The following SH3GL2 variants were observed in gnomAD, a reference collection of about 807,000 sequenced individuals.
SH3GL2 encodes endophilin-A1.
Under a neutral mutation model 46.0 loss-of-function variants are expected in SH3GL2, and 24 were observed. The ratio of observed to expected loss-of-function variants is 0.52; its 90% CI spans 0.38 to 0.73. The LOEUF (loss-of-function observed/expected upper bound fraction) is 0.73. Ranked by LOEUF, SH3GL2 falls within the 30% of genes least tolerant of loss-of-function variation. The probability of loss-of-function intolerance (pLI) is 0.00; values close to 1 mark genes in which losing one functional copy is unlikely to be tolerated. For missense variants in SH3GL2, 413 were observed against 424.2 expected (o/e 0.97, Z 0.23); for synonymous variants, 196 against 147.1 (o/e 1.33, Z -2.40).
At chr9:17,630,323 T>C (rs1819390849) in intron 1 of SH3GL2, 1 of 152,218 alleles carries the variant, frequency 6.6e-6, no homozygotes, top group South Asian at 2.1e-4. Flanking sequence ...ATTCACAAAT[T>C]GCTAACATAC....
intron 2 of SH3GL2, among the ~76,000 whole-genome samples, chr9:17,755,373 C>T (rs1406444916): frequency 6.6e-6 from 1 of 152,216 alleles, no homozygotes; most frequent in African/African-American, 2.4e-5. Flanking sequence ...TGACATGCCT[C>T]TGGATTTGGT....
At chr9:17,579,963 A>C (rs958358396) in intron 1 of SH3GL2, among the ~76,000 whole-genome samples, 1 of 152,258 alleles carries the variant, frequency 6.6e-6, no homozygotes, top group Non-Finnish European at 1.5e-5. Flanking sequence ...AAATTGTTGA[A>C]GACTTAAAAT....
chr9:17,762,360 C>G (rs140912351), intron 3 of SH3GL2, among the ~76,000 whole-genome samples: 2 of 151,072 alleles, frequency 1.3e-5, no homozygotes, highest in African/African-American at 4.9e-5. Context: ...TGCTTCAGCC[C>G]CAATGAGTTT....
At position 17,631,598 on chromosome 9, in the gene SH3GL2, T is replaced by C. The variant is rs193052038; in HGVS notation, c.45+52311T>C. On this transcript the variant is annotated intron_variant, in intron 1 of 8. Transcript: ENST00000380607. ...GGATGTTCACATCAGCTGGGCTGTATGACAATGTTGGTGAGTCAGTGCTTT... is the reference window on the plus strand; with the variant it reads ...GGATGTTCACATCAGCTGGGCTGTACGACAATGTTGGTGAGTCAGTGCTTT... Among the ~76,000 whole-genome samples the C allele has an allele frequency of 3.4e-3, 513 of 152,316 alleles. 2 individuals are homozygous for C. The highest frequency in any genetic ancestry group is 0.012 in the African/African-American group (486 of 41,580).
At chr9:17,633,738 A>G (rs535201782) in intron 1 of SH3GL2, among the ~76,000 whole-genome samples, 3 of 152,326 alleles carry the variant, frequency 2.0e-5, no homozygotes, top group South Asian at 4.1e-4. Context: ...GCAGGCTTTC[A>G]TCTGTGTATC....
intron 1 of SH3GL2, among the ~76,000 whole-genome samples, chr9:17,623,311 G>C (rs982189067): frequency 3.3e-5 from 5 of 152,102 alleles, no homozygotes; most frequent in African/African-American, 1.2e-4. Flanking sequence ...CTTGTGGGAA[G>C]CTAGCTGGCG....
At position 17,791,244 on chromosome 9, in the gene SH3GL2, G is replaced by A; in HGVS notation, c.638G>A (p.Ser213Asn). Residue 213 changes from serine to asparagine, a missense_variant, in exon 7 of 9, where the codon AGC (serine) becomes AAC (asparagine). Around this residue, in one of 3 missense-constraint regions of SH3GL2, gnomAD observed 248 missense variants for 215.0 expected, o/e 1.15. Coordinates refer to ENST00000380607, the MANE Select transcript of SH3GL2 (RefSeq NM_003026.5). ...NLLEMDIEQV[S>N]QLSALVQAQL... The stretch of plus-strand genomic sequence containing the variant: ...ATCAATCTGCAGATTGAACAAGTGA[G>A]CCAGCTCTCTGCACTTGTGCAAGCT... 1 of 1,612,978 alleles carries A rather than the reference G, an allele frequency of 6.2e-7. No individual in the cohort carries two copies. The highest frequency in any genetic ancestry group is 8.5e-7 in the Non-Finnish European group (1 of 1,179,002).
chr9:17,675,668 C>T (rs1022933105), intron 1 of SH3GL2, among the ~76,000 whole-genome samples: 8 of 152,130 alleles, frequency 5.3e-5, no homozygotes, highest in Non-Finnish European at 7.4e-5. Flanking sequence ...AATGCCAGGC[C>T]GGGTGCAGTG....
intron 1 of SH3GL2, among the ~76,000 whole-genome samples, chr9:17,710,428 G>A (rs189042643): frequency 7.9e-5 from 12 of 152,008 alleles, no homozygotes; most frequent in Admixed American, 7.9e-4. Flanking sequence ...GGAGTGTTAT[G>A]GTCAGGTATT....
intron 1 of SH3GL2, among the ~76,000 whole-genome samples, chr9:17,686,692 A>G (rs1217648611): frequency 1.4e-5 from 2 of 146,796 alleles, no homozygotes; most frequent in African/African-American, 5.0e-5. Context: ...CGCAAGAACA[A>G]AAAACCAAAC....
intron 1 of SH3GL2, among the ~76,000 whole-genome samples, chr9:17,597,876 C>T (rs543388185): frequency 6.6e-6 from 1 of 152,314 alleles, no homozygotes; most frequent in East Asian, 1.9e-4. Context: ...CTCTGGTCCT[C>T]CATCTTTCTT....
intron 1 of SH3GL2, among the ~76,000 whole-genome samples, chr9:17,663,073 C>G (rs1195287511): frequency 6.6e-6 from 1 of 152,104 alleles, no homozygotes; most frequent in Non-Finnish European, 1.5e-5. Context: ...CATTAAGTAA[C>G]AAAAAATATC....
rs186129504 is a variant in SH3GL2 at position 17,789,613 on chromosome 9, A to G, written c.624+63A>G. 411 of 1,602,278 alleles carry G rather than the reference A, an allele frequency of 2.6e-4. 3 individuals are homozygous for G. In the African/African-American group the frequency reaches 4.7e-3, roughly 18 times the overall value. Reference sequence around the variant, plus strand: ...TCGAGGCACAACATTAATATGTTAAAGGCCATAACCCTTAAAAGCATTAAT... The same window carrying G: ...TCGAGGCACAACATTAATATGTTAAGGGCCATAACCCTTAAAAGCATTAAT... On this transcript the variant is annotated intron_variant, in intron 6 of 8. Transcript: ENST00000380607.
intron 2 of SH3GL2, among the ~76,000 whole-genome samples, chr9:17,753,533 C>G (rs1014454763): frequency 3.3e-5 from 5 of 151,940 alleles, no homozygotes; most frequent in Non-Finnish European, 7.4e-5. Context: ...TGCTTTTTTT[C>G]TTGTAAATTT....
At chr9:17,695,783 T>G (rs73645139) in intron 1 of SH3GL2, among the ~76,000 whole-genome samples, 24 of 149,092 alleles carry the variant, frequency 1.6e-4, no homozygotes, top group African/African-American at 5.9e-4. Context: ...CAGATTTTTT[T>G]AAAAATGGAA....
intron 1 of SH3GL2, among the ~76,000 whole-genome samples, chr9:17,603,366 A>C (rs1191803143): frequency 1.3e-5 from 2 of 152,194 alleles, no homozygotes; most frequent in Admixed American, 1.3e-4. Context: ...ACATTAAGCT[A>C]AGTTAAATAA....
intron 1 of SH3GL2, among the ~76,000 whole-genome samples, chr9:17,581,545 A>G (rs1818277293): frequency 1.3e-5 from 2 of 152,216 alleles, no homozygotes; most frequent in African/African-American, 2.4e-5. Context: ...TGTGACAAAA[A>G]AATTAGAGAA....
intron 1 of SH3GL2, among the ~76,000 whole-genome samples, chr9:17,640,127 C>T (rs1460087336): frequency 6.6e-6 from 1 of 152,038 alleles, no homozygotes; most frequent in Non-Finnish European, 1.5e-5. Context: ...ACTTTTCTTA[C>T]AATTTATTAT....
chr9:17,670,674 T>C (rs188123177), intron 1 of SH3GL2, among the ~76,000 whole-genome samples: 1 of 152,372 alleles, frequency 6.6e-6, no homozygotes, highest in East Asian at 1.9e-4. Context: ...CCAACTTGGC[T>C]GGCAAATTGT....
Sources: allele counts gnomAD v4.1 joint callset (sites outside exome capture counted in the v4.1 genomes callset), GRCh38; gene constraint gnomAD v4.1.1; regional missense constraint gnomAD v4.1.1; transcripts MANE v1.5; gene names NCBI Gene and HGNC (gene_info 2026-07-23, HGNC 2026-07-21).